Variants in CAB39L observed in about 807,000 individuals in gnomAD.
CAB39L encodes the protein calcium binding protein 39 like, also known as calcium-binding protein 39-like.
CAB39L carries 23 observed loss-of-function variants against 39.1 expected under a neutral mutation model. The ratio of observed to expected loss-of-function variants is 0.59; its 90% confidence interval spans 0.42 to 0.83. The LOEUF (loss-of-function observed/expected upper bound fraction) is 0.83, where lower values mean the gene tolerates loss of function less well. Ranked by LOEUF, CAB39L falls within the 40% of genes least tolerant of loss-of-function variation. The pLI is 0.00. For synonymous variants in CAB39L, 126 were observed against 137.2 expected, an observed-to-expected ratio of 0.92 and a Z score of 0.57; for missense variants, 366 against 391.9, an observed-to-expected ratio of 0.93 and a Z score of 0.56.
chr13:49,389,532 T>C (rs1956442877), intron 3 of CAB39L, among the ~76,000 whole-genome samples: 2 of 151,654 alleles, frequency 1.3e-5, no homozygotes, highest in African/African-American at 4.9e-5. Flanking sequence ...TCCCAGCTAC[T>C]CAAGAGGCTG....
At chr13:49,347,805 C>T (rs920069834) in intron 7 of CAB39L, among the ~76,000 whole-genome samples, 2 of 152,106 alleles carry the variant, frequency 1.3e-5, no homozygotes, top group Non-Finnish European at 2.9e-5. Context: ...ATGCTGCCCT[C>T]ACCGCCCCTC....
At chr13:49,381,635 C>G (rs1956255486) in intron 4 of CAB39L, among the ~76,000 whole-genome samples, 1 of 152,184 alleles carries the variant, frequency 6.6e-6, no homozygotes, top group African/African-American at 2.4e-5. Flanking sequence ...TGACTTGCTT[C>G]TTTCATTCAA....
intron 7 of CAB39L, among the ~76,000 whole-genome samples, chr13:49,349,730 T>A (rs1955285305): frequency 6.6e-6 from 1 of 152,162 alleles, no homozygotes; most frequent in African/African-American, 2.4e-5. Context: ...CTAACCGGAA[T>A]GTCAAATAGG....
At chr13:49,365,983 T>C (rs936042719) in intron 5 of CAB39L, among the ~76,000 whole-genome samples, 4 of 152,192 alleles carry the variant, frequency 2.6e-5, no homozygotes, top group African/African-American at 9.6e-5. Context: ...TAAAAAGGAA[T>C]GAGATTCTGT....
intron 1 of CAB39L, among the ~76,000 whole-genome samples, chr13:49,442,815 A>AAAAAAAAAAAAAAAAAAAAAAAAAAC (rs1957561090): frequency 6.7e-6 from 1 of 148,934 alleles, no homozygotes; most frequent in African/African-American, 2.5e-5. Context: ...AAAAAAAAAA[A>AAAAAAAAAAAAAAAAAAAAAAAAAAC]AAAACATCAA....
intron 4 of CAB39L, among the ~76,000 whole-genome samples, chr13:49,380,207 A>G (rs1956223627): frequency 1.3e-5 from 2 of 152,190 alleles, no homozygotes; most frequent in South Asian, 4.1e-4. Context: ...TATGCTTGAA[A>G]ATTAAATTGA....
chr13:49,320,144 C>T (rs1954301835), intron 10 of CAB39L, among the ~76,000 whole-genome samples: 1 of 152,196 alleles, frequency 6.6e-6, no homozygotes, highest in Non-Finnish European at 1.5e-5. Context: ...AGCCAGGACA[C>T]TGGTCAAGGC....
At chr13:49,335,353 C>A (rs918821173) in intron 9 of CAB39L, among the ~76,000 whole-genome samples, 7 of 152,156 alleles carry the variant, frequency 4.6e-5, no homozygotes, top group Non-Finnish European at 5.9e-5. Flanking sequence ...GGGATACCTA[C>A]ATATAAATTC....
intron 3 of CAB39L, among the ~76,000 whole-genome samples, chr13:49,389,616 G>C (rs1956444364): frequency 6.6e-6 from 1 of 152,062 alleles, no homozygotes; most frequent in Non-Finnish European, 1.5e-5. Context: ...CTCCAGCCTG[G>C]GTGACAAAAC....
In CAB39L at chr13:49,310,977, G is replaced by A. The variant is rs747856911; in HGVS notation, c.851C>T (p.Pro284Leu). 1.2e-6 allele frequency: 2 copies of A among 1,613,176 alleles called. No homozygotes were observed. The highest frequency in any genetic ancestry group is 2.7e-5 in the African/African-American group (2 of 74,928). Residue 284 changes from proline (P) to leucine (L), a missense_variant, in exon 11 of 11, where the codon CCT (proline) becomes CTT (leucine). Coordinates refer to ENST00000409308, the MANE Select transcript of CAB39L (RefSeq NM_001079670.3). ...CTCCACAATAGGCTGTGTTTTGTGA[G>A]GACTGGCCACAAACACCTGAAACAA... ...FHVFKVFVASPHKTQPIVEIL... is the reference protein window; with the variant it reads ...FHVFKVFVASLHKTQPIVEIL...
chr13:49,390,833 C>T (rs573980100), intron 3 of CAB39L, among the ~76,000 whole-genome samples: 1 of 152,036 alleles, frequency 6.6e-6, no homozygotes, highest in Admixed American at 6.5e-5. Context: ...AAGCAAAGAA[C>T]TAATTCACAG....
chr13:49,331,328 T>C (rs925797565), intron 10 of CAB39L, among the ~76,000 whole-genome samples: 55 of 150,280 alleles, frequency 3.7e-4, no homozygotes, highest in African/African-American at 1.3e-3. Flanking sequence ...TAGCCAGGAG[T>C]GGTGGCACAC....
intron 3 of CAB39L, among the ~76,000 whole-genome samples, chr13:49,391,502 T>C (rs1956487845): frequency 6.6e-6 from 1 of 152,168 alleles, no homozygotes; most frequent in Non-Finnish European, 1.5e-5. Flanking sequence ...GGCAAAATGT[T>C]TTTTAAAAAA....
intron 9 of CAB39L, among the ~76,000 whole-genome samples, chr13:49,338,501 T>C (rs1166341989): frequency 2.8e-5 from 2 of 72,500 alleles, no homozygotes; most frequent in Non-Finnish European, 5.3e-5. Context: ...GGGACTGTTG[T>C]GGGGTGGGGG....
chr13:49,377,102 T>A lies in CAB39L; in HGVS notation c.141A>T (p.Gln47His), dbSNP rs1956090284. 6.2e-7 allele frequency: 1 copy of A among 1,613,482 alleles called. No homozygotes were observed. Among genetic ancestry groups the A allele is most frequent in the Non-Finnish European group, 8.5e-7 (1 of 1,179,506 alleles). Residue 47 changes from glutamine (Q) to histidine (H), a missense_variant, in exon 5 of 11, where the codon CAA (glutamine) becomes CAT (histidine). Physicochemically the swap from Gln to His is conservative, Grantham distance 24 (BLOSUM62 0). Transcript: ENST00000409308. Reference sequence around the variant, plus strand: ...TACCACACAGAATTTCTTTCATTGCTTGCAGTGATTTAGACACTTCTTCTG... The same window carrying A: ...TACCACACAGAATTTCTTTCATTGCATGCAGTGATTTAGACACTTCTTCTG... Reference protein sequence around the residue: ...KASEEVSKSLQAMKEILCGTN... With the variant: ...KASEEVSKSLHAMKEILCGTN...
intron 5 of CAB39L, among the ~76,000 whole-genome samples, chr13:49,363,984 A>C (rs961909606): frequency 1.3e-5 from 2 of 152,140 alleles, no homozygotes; most frequent in East Asian, 3.9e-4. Context: ...ATTCCATGCT[A>C]ATGAAAACAA....
intron 1 of CAB39L, among the ~76,000 whole-genome samples, chr13:49,436,396 T>A (rs945600439): frequency 1.2e-4 from 19 of 152,166 alleles, no homozygotes; most frequent in Non-Finnish European, 1.0e-4. Context: ...CTACTTTTAC[T>A]TATTTTCTAT....
intron 6 of CAB39L, among the ~76,000 whole-genome samples, chr13:49,354,623 G>GT (rs1955440925): frequency 6.6e-6 from 1 of 152,190 alleles, no homozygotes; most frequent in African/African-American, 2.4e-5. Flanking sequence ...CCCAGTAAAG[G>GT]TTAATCTGAT....
rs147474801 is a variant in CAB39L, at chr13:49,347,039, CA to C, written c.565-2802del. Reference sequence around the variant, plus strand: ...TAGGAGGTTATAAAAAACCCAAAACCAATGCCAAAATCAAGTCAATCATCCA... The same window carrying C: ...TAGGAGGTTATAAAAAACCCAAAACCATGCCAAAATCAAGTCAATCATCCA... On this transcript the variant is annotated intron_variant, in intron 7 of 10. Coordinates refer to ENST00000409308, the MANE Select transcript of CAB39L (RefSeq NM_001079670.3). Among the ~76,000 whole-genome samples, 1,414 of 151,900 alleles carry C rather than the reference CA, an allele frequency of 9.3e-3. 9 individuals are homozygous for C. The highest frequency in any genetic ancestry group is 0.042 in the South Asian group (202 of 4,800).
Sources: gnomAD v4.1 joint callset for allele counts (sites outside exome capture counted in the v4.1 genomes callset) on GRCh38, gnomAD v4.1.1 for gene constraint, MANE v1.5 for transcripts, NCBI Gene and HGNC (gene_info 2026-07-23, HGNC 2026-07-21) for gene names.